Variants in CCDC39 observed in about 807,000 individuals in gnomAD.
The protein encoded by CCDC39 is coiled-coil domain-containing protein 39.
CCDC39 carries 113 observed loss-of-function variants against 121.0 expected under a neutral mutation model. The observed-to-expected ratio is 0.93, with a 90% CI of 0.80 to 1.09. CCDC39 has a LOEUF of 1.09. CCDC39 is among the 50% of genes least tolerant of loss of function. The pLI, the probability that CCDC39 is intolerant of heterozygous loss-of-function variation, is 0.00. For missense variants in CCDC39, 1,063 were observed against 1,074.7 expected (o/e 0.99, Z 0.15); for synonymous variants, 349 against 352.2 (o/e 0.99, Z 0.10).
chr3:180,679,489 C>G lies in CCDC39; in HGVS notation c.-109G>C. The stretch of plus-strand genomic sequence containing the variant: ...ACCTGCACAGTGCCGCGGCAATTGC[C>G]GGGGGAGCCCTAGCAACCTTCCCGC... On this transcript the variant is annotated 5_prime_UTR_variant, in exon 1 of 20. Coordinates refer to ENST00000476379, the MANE Select transcript of CCDC39 (RefSeq NM_181426.2). This position sits in a 1 kb window ranked among gnomAD's most constrained non-coding sequence, Gnocchi z 4.0. 1 of 1,043,354 alleles carries G rather than the reference C, an allele frequency of 9.6e-7. No individual in the cohort carries two copies. Among genetic ancestry groups the G allele is most frequent in the East Asian group, 2.4e-5 (1 of 42,296 alleles). 64.6% of individuals were successfully genotyped at this position (1,043,354 alleles called of 1,614,324 possible). A position where few individuals can be genotyped will look rare whatever the true frequency, so the allele number is the denominator to read the frequency against.
intron 13 of CCDC39, among the ~76,000 whole-genome samples, chr3:180,637,236 A>C (rs1717851274): frequency 6.6e-6 from 1 of 152,202 alleles, no homozygotes; most frequent in African/African-American, 2.4e-5. Flanking sequence ...ATTTATAAGA[A>C]AAAATACAAC....
rs746483493 is a variant in CCDC39, at chr3:180,663,870, T to C, written c.207A>G (p.Thr69=). The change falls in exon 2 of 20, where the codon ACA becomes ACG. Residue 69 remains threonine (T), a synonymous_variant. Transcript: ENST00000476379. Reference sequence around the variant, plus strand: ...ACATAAATTTCAGTTACTGTACCTGTGTAATTGAGAGCTCTTGCTTAACAT... The same window carrying C: ...ACATAAATTTCAGTTACTGTACCTGCGTAATTGAGAGCTCTTGCTTAACAT... ...FKNVKQELSI[T]QSLCKARERE... is the part of the protein sequence containing the mutation. 12 of 1,612,174 alleles carry C rather than the reference T, an allele frequency of 7.4e-6. No individual in the cohort carries two copies. Among genetic ancestry groups the C allele is most frequent in the Admixed American group, 5.0e-5 (3 of 59,954 alleles).
At chr3:180,639,886 C>T (rs573274916) in intron 13 of CCDC39, among the ~76,000 whole-genome samples, 152 of 151,918 alleles carry the variant, frequency 1.0e-3, no homozygotes, top group African/African-American at 3.5e-3. Flanking sequence ...CAACCCCTGA[C>T]AAAAAGGAAT....
chr3:180,625,378 G>T lies in CCDC39; in HGVS notation c.1999-5408C>A, dbSNP rs76358427. ...TTTTTTTTTTTAAGATATCTCCTTG[G>T]TGAATTTTTTGCTCATACCCTGAAT... is the stretch of plus-strand genomic sequence containing the variant. On this transcript the variant is annotated intron_variant, in intron 14 of 19. Transcript: ENST00000476379. 4.9e-3 allele frequency among the ~76,000 whole-genome samples: 725 copies of T among 148,094 alleles called. 10 individuals are homozygous for T. The highest frequency in any genetic ancestry group is 0.017 in the African/African-American group (675 of 40,198).
chr3:180,668,658 G>C (rs1213299756), intron 1 of CCDC39, among the ~76,000 whole-genome samples: 1 of 151,942 alleles, frequency 6.6e-6, no homozygotes, highest in Non-Finnish European at 1.5e-5. Context: ...GTTTCTATTT[G>C]TTGTTTATTT....
At chr3:180,625,057 G>A (rs750223876) in intron 14 of CCDC39, among the ~76,000 whole-genome samples, 6 of 151,768 alleles carry the variant, frequency 4.0e-5, no homozygotes, top group South Asian at 4.2e-4. Flanking sequence ...CTTGTGTCTC[G>A]GCGTCTAACT....
intron 14 of CCDC39, among the ~76,000 whole-genome samples, chr3:180,630,008 C>G (rs1336831460): frequency 4.6e-5 from 7 of 152,070 alleles, no homozygotes; most frequent in Non-Finnish European, 2.9e-5. Context: ...CATGTATTTT[C>G]TCTTTTCTCC....
intron 11 of CCDC39, among the ~76,000 whole-genome samples, chr3:180,646,551 C>T (rs955649374): frequency 6.6e-6 from 1 of 152,050 alleles, no homozygotes; most frequent in Non-Finnish European, 1.5e-5. Context: ...CCAATCATTT[C>T]AAATATTATA....
At chr3:180,617,710 G>A in intron 16 of CCDC39, 1 of 387,856 alleles carries the variant, frequency 2.6e-6, no homozygotes, top group Middle Eastern at 6.6e-4. Flanking sequence ...TAAGCTAAAT[G>A]TCATCACAAA....
At chr3:180,663,496 A>C (rs1479631381) in intron 2 of CCDC39, among the ~76,000 whole-genome samples, 1 of 151,946 alleles carries the variant, frequency 6.6e-6, no homozygotes, top group Non-Finnish European at 1.5e-5. Flanking sequence ...AACATGGTGA[A>C]ATCCCATCTT....
chr3:180,664,220 C>A (rs778984747), intron 1 of CCDC39, among the ~76,000 whole-genome samples: 5 of 152,198 alleles, frequency 3.3e-5, no homozygotes, highest in Non-Finnish European at 7.3e-5. Context: ...TAATATGATT[C>A]CTGGTGAGGG....
chr3:180,615,810 A>G (rs1304171716), intron 19 of CCDC39, among the ~76,000 whole-genome samples: 1 of 152,176 alleles, frequency 6.6e-6, no homozygotes, highest in African/African-American at 2.4e-5. Context: ...AAGAAAAAAA[A>G]AGGGGTTTCC....
intron 14 of CCDC39, among the ~76,000 whole-genome samples, chr3:180,629,687 C>T (rs964187991): frequency 2.0e-5 from 3 of 152,112 alleles, no homozygotes; most frequent in African/African-American, 7.2e-5. Context: ...AAAGTGTAAA[C>T]ATGCTATACA....
chr3:180,679,488 C>T lies in CCDC39; in HGVS notation c.-108G>A. On this transcript the variant is annotated 5_prime_UTR_variant, in exon 1 of 20. Coordinates refer to ENST00000476379, the MANE Select transcript of CCDC39 (RefSeq NM_181426.2). This position sits in a 1 kb window ranked among gnomAD's most constrained non-coding sequence, Gnocchi z 4.0. ...CACCTGCACAGTGCCGCGGCAATTG[C>T]CGGGGGAGCCCTAGCAACCTTCCCG... 9.6e-7 allele frequency: 1 copy of T among 1,044,186 alleles called. No individual in the cohort carries two copies. The highest frequency in any genetic ancestry group is 1.5e-6 in the Non-Finnish European group (1 of 661,614). The allele number at this position is 1,044,186 out of a possible 1,614,324, so 64.7% of individuals were successfully genotyped here. A position where few individuals can be genotyped will look rare whatever the true frequency, so the allele number is the denominator to read the frequency against.
rs113696248 is a variant in CCDC39, at chr3:180,614,788, T to A, written c.*133A>T. The A allele has an allele frequency of 0.014, 10,110 of 715,846 alleles. 621 individuals carry two copies. The African/African-American group carries it at 0.16, about 11-fold the overall frequency. 44.3% of individuals were successfully genotyped at this position (715,846 alleles called of 1,614,324 possible). On this transcript the variant is annotated 3_prime_UTR_variant, in exon 20 of 20. Transcript: ENST00000476379. ...GAAAATGAGAACGTTCCTTTTTTTT[T>A]AAAACTATCAGTTTTTACACTTACC...
chr3:180,638,077 A>C (rs1406328877), intron 13 of CCDC39, among the ~76,000 whole-genome samples: 1 of 152,178 alleles, frequency 6.6e-6, no homozygotes, highest in Non-Finnish European at 1.5e-5. Context: ...TGAACCAAAG[A>C]TAAAAAAATT....
chr3:180,619,188 G>A, intron 16 of CCDC39, 71 bp downstream of exon 16: 1 of 746,928 alleles, frequency 1.3e-6, no homozygotes, highest in East Asian at 2.7e-5. Flanking sequence ...AAGAGCAAGA[G>A]AATAGAAGTA....
At chr3:180,630,694 CT>C (rs1366759428) in intron 14 of CCDC39, among the ~76,000 whole-genome samples, 1 of 152,108 alleles carries the variant, frequency 6.6e-6, no homozygotes, top group African/African-American at 2.4e-5. Context: ...TATAGCAGTG[CT>C]TAGAGAATAG....
chr3:180,643,259 G>A (rs1718001391), intron 12 of CCDC39, among the ~76,000 whole-genome samples: 2 of 151,530 alleles, frequency 1.3e-5, no homozygotes. Context: ...GTGCCCGGCC[G>A]ACAGAGACAA....
Sources: allele counts gnomAD v4.1 joint callset (sites outside exome capture counted in the v4.1 genomes callset), GRCh38; gene constraint gnomAD v4.1.1; non-coding constraint Gnocchi (gnomAD v3.1); transcripts MANE v1.5; gene names NCBI Gene and HGNC (gene_info 2026-07-23, HGNC 2026-07-21).